CCL28: variants seen among roughly 807,000 people sequenced by gnomAD.
CCL28 encodes C-C motif chemokine 28.
A neutral mutation model predicts 7.1 loss-of-function variants in CCL28; 4 were observed. The observed-to-expected ratio is 0.56, with a 90% CI of 0.28 to 1.29. CCL28 has a LOEUF of 1.29. Among genes scored for constraint, CCL28 ranks in the 50% most tolerant of loss-of-function variants. The pLI is 0.11. For synonymous variants in CCL28, 55 were observed against 57.8 expected, an observed-to-expected ratio of 0.95 and a Z score of 0.22; for missense variants, 151 against 163.4, an observed-to-expected ratio of 0.92 and a Z score of 0.41.
At chr5:43,396,171 A>C (rs1325681135) in intron 1 of CCL28, among the ~76,000 whole-genome samples, 2 of 152,028 alleles carry the variant, frequency 1.3e-5, no homozygotes, top group African/African-American at 4.8e-5. Context: ...CGTCCAGCCC[A>C]TGCCTCCCCT....
chr5:43,370,332 C>T, the CCL28 span, among the ~76,000 whole-genome samples: 13 of 151,942 alleles, frequency 8.6e-5, no homozygotes, highest in East Asian at 1.9e-4. Context: ...CACATCATAT[C>T]GCTTAATCTC....
intron 1 of CCL28, among the ~76,000 whole-genome samples, chr5:43,399,848 T>TC (rs1172694813): frequency 1.3e-5 from 2 of 150,346 alleles, no homozygotes; most frequent in African/African-American, 2.5e-5. Flanking sequence ...TTATTTCTTT[T>TC]CTTTTTTTTT....
chr5:43,400,506 G>T (rs771387984), intron 1 of CCL28, among the ~76,000 whole-genome samples: 1 of 151,608 alleles, frequency 6.6e-6, no homozygotes, highest in Non-Finnish European at 1.5e-5. Flanking sequence ...TTCAGGAAAG[G>T]ATCTTGCTAT....
intron 1 of CCL28, among the ~76,000 whole-genome samples, chr5:43,400,298 G>A (rs1240931273): frequency 6.6e-6 from 1 of 152,140 alleles, no homozygotes; most frequent in Admixed American, 6.5e-5. Context: ...ATCTCTTAGT[G>A]CTCAAGAACT....
At chr5:43,402,343 T>C (rs1173901826) in intron 1 of CCL28, among the ~76,000 whole-genome samples, 1 of 152,206 alleles carries the variant, frequency 6.6e-6, no homozygotes, top group African/African-American at 2.4e-5. Flanking sequence ...CCTTGATTAA[T>C]ATTAATAATA....
downstream of CCL28, among the ~76,000 whole-genome samples, chr5:43,378,021 C>A (rs1395503817): frequency 1.5e-5 from 2 of 131,470 alleles, no homozygotes; most frequent in Non-Finnish European, 3.0e-5. Flanking sequence ...CGTGAGCCAC[C>A]GCGCCCGGCC....
intron 2 of CCL28, among the ~76,000 whole-genome samples, chr5:43,383,333 C>T (rs1475877279): frequency 6.6e-6 from 1 of 151,982 alleles, no homozygotes; most frequent in Non-Finnish European, 1.5e-5. Flanking sequence ...AACTTCTGAC[C>T]CTGTTATTCA....
At chr5:43,357,814 AG>A in the CCL28 span, among the ~76,000 whole-genome samples, 3 of 152,214 alleles carry the variant, frequency 2.0e-5, no homozygotes, top group Non-Finnish European at 4.4e-5. Context: ...ACTGCAAGAC[AG>A]GGGCATGTTA....
chr5:43,362,056 A>C, the CCL28 span, among the ~76,000 whole-genome samples: 1 of 152,098 alleles, frequency 6.6e-6, no homozygotes, highest in African/African-American at 2.4e-5. Context: ...GTTTGATAGA[A>C]ATAGCATTGA....
chr5:43,399,492 T>C (rs1740944003), intron 1 of CCL28, among the ~76,000 whole-genome samples: 1 of 152,212 alleles, frequency 6.6e-6, no homozygotes, highest in Admixed American at 6.5e-5. Flanking sequence ...AGGGCATCTT[T>C]GTAACCCCCC....
the CCL28 span, among the ~76,000 whole-genome samples, chr5:43,361,624 T>C: frequency 6.6e-6 from 1 of 152,188 alleles, no homozygotes; most frequent in Non-Finnish European, 1.5e-5. Context: ...TAGTTTTGGG[T>C]TTTACATTTA....
chr5:43,382,500 C>T (rs1372991662), intron 2 of CCL28, among the ~76,000 whole-genome samples: 1 of 152,182 alleles, frequency 6.6e-6, no homozygotes, highest in East Asian at 1.9e-4. Flanking sequence ...TAGATTCTCT[C>T]AGCTAGATGC....
At chr5:43,394,505 A>G (rs1740719662) in intron 1 of CCL28, among the ~76,000 whole-genome samples, 2 of 152,238 alleles carry the variant, frequency 1.3e-5, no homozygotes, top group South Asian at 2.1e-4. Flanking sequence ...AAATGATAAG[A>G]TAATGTCGTA....
At chr5:43,404,772 A>T (rs6866007) in intron 1 of CCL28, among the ~76,000 whole-genome samples, 12,400 of 152,178 alleles carry the variant, frequency 0.081, 893 homozygotes, top group African/African-American at 0.19. Context: ...ACCCATCTCA[A>T]GTGCAGGGAC....
At chr5:43,408,907 T>G (rs1741418955) in intron 1 of CCL28, among the ~76,000 whole-genome samples, 1 of 151,104 alleles carries the variant, frequency 6.6e-6, no homozygotes, top group African/African-American at 2.4e-5. Flanking sequence ...TTTTTTTTTT[T>G]GAAATGAGAG....
At chr5:43,358,850 T>A in the CCL28 span, among the ~76,000 whole-genome samples, 1 of 152,186 alleles carries the variant, frequency 6.6e-6, no homozygotes, top group Non-Finnish European at 1.5e-5. Context: ...TTTGCAAAGA[T>A]TATGACAGCA....
intron 1 of CCL28, among the ~76,000 whole-genome samples, chr5:43,402,712 C>T (rs371407745): frequency 1.6e-4 from 24 of 152,280 alleles, no homozygotes; most frequent in African/African-American, 4.6e-4. Context: ...CAGGGCAGGG[C>T]GTTGTCTCAC....
intron 1 of CCL28, among the ~76,000 whole-genome samples, chr5:43,407,808 A>G (rs1314188217): frequency 6.8e-6 from 1 of 147,988 alleles, no homozygotes; most frequent in Non-Finnish European, 1.5e-5. Context: ...GAAAAAATCA[A>G]CCCCATCAAA....
chr5:43,373,774 G>A (rs1167635060), downstream of CCL28, among the ~76,000 whole-genome samples: 2 of 152,124 alleles, frequency 1.3e-5, no homozygotes, highest in Non-Finnish European at 2.9e-5. Context: ...TGTGCCATTT[G>A]TCTTCACTGT....
Sources: allele counts gnomAD v4.1 joint callset (sites outside exome capture counted in the v4.1 genomes callset), GRCh38; gene constraint gnomAD v4.1.1; transcripts MANE v1.5; gene names NCBI Gene and HGNC (gene_info 2026-07-23, HGNC 2026-07-21).